ARSB: variants seen among roughly 807,000 people sequenced by gnomAD.
ARSB encodes arylsulfatase B.
In ARSB, 41 loss-of-function variants were observed where a neutral mutation model predicts 50.9. The observed-to-expected ratio is 0.81, with a 90% CI of 0.63 to 1.04. The LOEUF is 1.04. Among genes scored for constraint, ARSB ranks in the 50% least tolerant of loss-of-function variants. ARSB has a pLI of 0.00. For synonymous variants in ARSB, 269 were observed against 284.8 expected (o/e 0.94, Z 0.56); for missense variants, 672 against 693.3 (o/e 0.97, Z 0.35).
chr5:78,915,634 C>T (rs1330294380), intron 4 of ARSB, among the ~76,000 whole-genome samples: 1 of 152,132 alleles, frequency 6.6e-6, no homozygotes, highest in Non-Finnish European at 1.5e-5. Context: ...AGGTTGAATA[C>T]TCCTTGTCCA....
Position 78,778,590 on chromosome 5 carries a change from A to G in ARSB, c.*1807T>C, listed in dbSNP as rs909442792. On this transcript the variant is annotated 3_prime_UTR_variant, in exon 8 of 8. Coordinates refer to ENST00000264914, the MANE Select transcript of ARSB (RefSeq NM_000046.5). ...GCCCAGTGATGTAGATTATGCTCCT[A>G]CCCCAGGAGGGGCAGCTTGAGAACA... 1.3e-5 allele frequency: 2 copies of G among 152,132 alleles called. No homozygotes were observed. The highest frequency in any genetic ancestry group is 2.4e-5 in the African/African-American group (1 of 41,406). The allele number at this position is 152,132 out of a possible 1,614,324, so 9.4% of individuals were successfully genotyped here. A position where few individuals can be genotyped will look rare whatever the true frequency, so the allele number is the denominator to read the frequency against.
chr5:78,905,252 A>G (rs1000190566), intron 4 of ARSB, among the ~76,000 whole-genome samples: 1 of 151,800 alleles, frequency 6.6e-6, no homozygotes, highest in African/African-American at 2.4e-5. Flanking sequence ...GTCTGACAAC[A>G]CCAATATTTG....
chr5:78,816,776 A>G (rs1208234597), intron 6 of ARSB, among the ~76,000 whole-genome samples: 1 of 152,244 alleles, frequency 6.6e-6, no homozygotes, highest in Admixed American at 6.5e-5. Context: ...GAACTTGAGA[A>G]GCTGAGGGTA....
intron 5 of ARSB, among the ~76,000 whole-genome samples, chr5:78,860,777 G>C (rs1178325653): frequency 6.6e-6 from 1 of 152,192 alleles, no homozygotes; most frequent in Non-Finnish European, 1.5e-5. Flanking sequence ...AGAACTGAAG[G>C]AGATGGAGAC....
At chr5:78,923,381 C>T (rs1225812461) in intron 4 of ARSB, among the ~76,000 whole-genome samples, 2 of 152,232 alleles carry the variant, frequency 1.3e-5, no homozygotes, top group Non-Finnish European at 2.9e-5. Context: ...CAGGGCAAGG[C>T]ACTGTGATTG....
chr5:78,810,411 G>A (rs144906457), intron 6 of ARSB, among the ~76,000 whole-genome samples: 5 of 152,344 alleles, frequency 3.3e-5, no homozygotes, highest in Non-Finnish European at 7.3e-5. Flanking sequence ...GTTGGTGCCT[G>A]TGAGTTATTT....
At chr5:78,888,680 A>T (rs912120427) in intron 4 of ARSB, among the ~76,000 whole-genome samples, 2 of 152,188 alleles carry the variant, frequency 1.3e-5, no homozygotes, top group African/African-American at 4.8e-5. Flanking sequence ...GGGTGGCTGG[A>T]TCTGGAATCT....
At chr5:78,840,022 C>A (rs181789308) in intron 5 of ARSB, among the ~76,000 whole-genome samples, 1 of 152,178 alleles carries the variant, frequency 6.6e-6, no homozygotes, top group Non-Finnish European at 1.5e-5. Context: ...ACTTGGAGAT[C>A]GCTTAGTTCA....
intron 4 of ARSB, among the ~76,000 whole-genome samples, chr5:78,916,830 AC>A (rs758188627): frequency 6.7e-5 from 10 of 150,296 alleles, no homozygotes; most frequent in Non-Finnish European, 1.3e-4. Flanking sequence ...ATACACACAC[AC>A]ATGTATTTCA....
At chr5:78,794,686 T>A (rs1743117025) in intron 6 of ARSB, among the ~76,000 whole-genome samples, 1 of 152,198 alleles carries the variant, frequency 6.6e-6, no homozygotes, top group Admixed American at 6.5e-5. Context: ...CAATTTTTTC[T>A]TTTTACCCTG....
At chr5:78,933,191 C>T (rs1580081233) in intron 4 of ARSB, among the ~76,000 whole-genome samples, 1 of 152,040 alleles carries the variant, frequency 6.6e-6, no homozygotes, top group South Asian at 2.1e-4. Flanking sequence ...TTTATTTTAC[C>T]GAAAAAGTAT....
At chr5:78,976,250 TC>T (rs1432232216) in intron 1 of ARSB, among the ~76,000 whole-genome samples, 2 of 151,418 alleles carry the variant, frequency 1.3e-5, no homozygotes, top group Non-Finnish European at 2.9e-5. Flanking sequence ...TGAATGTATT[TC>T]CTGGAGATGA....
intron 1 of ARSB, among the ~76,000 whole-genome samples, chr5:78,979,942 A>G (rs1752829569): frequency 6.6e-6 from 1 of 152,244 alleles, no homozygotes; most frequent in South Asian, 2.1e-4. Context: ...TGGCATGTCC[A>G]TATCATGGAA....
intron 6 of ARSB, among the ~76,000 whole-genome samples, chr5:78,825,523 T>C (rs1744400084): frequency 6.6e-6 from 1 of 152,180 alleles, no homozygotes; most frequent in Non-Finnish European, 1.5e-5. Flanking sequence ...TTTTAAAACA[T>C]TAGTTGTTAA....
At chr5:78,797,668 C>A (rs1455948583) in intron 6 of ARSB, among the ~76,000 whole-genome samples, 1 of 152,202 alleles carries the variant, frequency 6.6e-6, no homozygotes, top group African/African-American at 2.4e-5. Context: ...CGTGAGCCAT[C>A]CTGCTTTTTG....
chr5:78,924,994 A>C (rs1225333525), intron 4 of ARSB, among the ~76,000 whole-genome samples: 1 of 152,184 alleles, frequency 6.6e-6, no homozygotes, highest in East Asian at 1.9e-4. Flanking sequence ...ATGTTTTTCA[A>C]GGCCTCAATG....
At chr5:78,814,929 CA>C (rs890556053) in intron 6 of ARSB, among the ~76,000 whole-genome samples, 1 of 150,404 alleles carries the variant, frequency 6.6e-6, no homozygotes, top group African/African-American at 2.5e-5. Context: ...CCCCTGTATA[CA>C]AGGACTAAGA....
At chr5:78,913,121 CT>C (rs11440743) in intron 4 of ARSB, among the ~76,000 whole-genome samples, 42,958 of 139,946 alleles carry the variant, frequency 0.31, 6,044 homozygotes, top group South Asian at 0.36. Flanking sequence ...TTTTAATTCG[CT>C]TTTTTTTTTT....
At chr5:78,848,719 T>A (rs1745585389) in intron 5 of ARSB, among the ~76,000 whole-genome samples, 1 of 152,222 alleles carries the variant, frequency 6.6e-6, no homozygotes, top group South Asian at 2.1e-4. Flanking sequence ...CTCCACATCC[T>A]CTCTAGCACC....
Sources: allele counts gnomAD v4.1 joint callset (sites outside exome capture counted in the v4.1 genomes callset), GRCh38; gene constraint gnomAD v4.1.1; transcripts MANE v1.5; gene names NCBI Gene and HGNC (gene_info 2026-07-23, HGNC 2026-07-21).